Variants in GSN observed in about 807,000 individuals in gnomAD.
GSN encodes actin-depolymerizing factor.
GSN carries 56 observed loss-of-function variants against 85.7 expected under a neutral mutation model. The ratio of observed to expected loss-of-function variants is 0.65; its 90% confidence interval spans 0.53 to 0.82. The LOEUF is 0.82. Among genes scored for constraint, GSN ranks in the 40% least tolerant of loss-of-function variants. GSN has a pLI of 0.00. For synonymous variants in GSN, 373 were observed against 399.1 expected (o/e 0.93, Z 0.78); for missense variants, 857 against 979.8 (o/e 0.87, Z 1.67).
At position 121,217,675 on chromosome 9, in the gene GSN, T is replaced by G. The variant is rs1055440901; in HGVS notation, c.-528+6808T>G. The stretch of plus-strand genomic sequence containing the variant: ...TAAATACAGTCACATTCTGAGGTAC[T>G]GGGGGTTAGGACTTCAATTCAATTG... On this transcript the variant is annotated intron_variant, in intron 4 of 24. Coordinates refer to the GSN transcript ENST00000373823. Among the ~76,000 whole-genome samples the G allele has an allele frequency of 2.0e-5, 3 of 152,030 alleles. No homozygotes were observed. In the East Asian group the frequency reaches 5.8e-4, roughly 29 times the overall value.
chr9:121,236,084 T>C (rs1157540341), intron 5 of GSN, among the ~76,000 whole-genome samples: 1 of 152,216 alleles, frequency 6.6e-6, no homozygotes, highest in Non-Finnish European at 1.5e-5. Flanking sequence ...GAAGAGGCAA[T>C]GGAAGGAGCT....
At chr9:121,214,283 C>T (rs1457104030) in intron 4 of GSN, among the ~76,000 whole-genome samples, 2 of 150,594 alleles carry the variant, frequency 1.3e-5, no homozygotes, top group African/African-American at 4.9e-5. Flanking sequence ...TTCTCTCCTC[C>T]TCCTTCTTCC....
upstream of GSN, among the ~76,000 whole-genome samples, chr9:121,207,081 G>C (rs1346495052): frequency 6.6e-6 from 1 of 152,160 alleles, no homozygotes; most frequent in Non-Finnish European, 1.5e-5. Flanking sequence ...TTTCTTTATT[G>C]CTTTTTCTGA....
chr9:121,228,564 G>C (rs2054324172), intron 4 of GSN, among the ~76,000 whole-genome samples: 1 of 150,778 alleles, frequency 6.6e-6, no homozygotes, highest in South Asian at 2.1e-4. Context: ...CTCCCAGGTA[G>C]CTGGGACTAC....
upstream of GSN, among the ~76,000 whole-genome samples, chr9:121,267,517 C>T (rs928374606): frequency 2.6e-5 from 4 of 152,208 alleles, no homozygotes; most frequent in South Asian, 2.1e-4. Flanking sequence ...GAAACGGAGA[C>T]TTAGACATGT....
At chr9:121,239,992 C>T in intron 5 of GSN, 1 of 160,182 alleles carries the variant, frequency 6.2e-6, no homozygotes, top group South Asian at 1.8e-4. Context: ...TAACTGCCAG[C>T]ACCTGCTCCT....
intron 2 of GSN, among the ~76,000 whole-genome samples, chr9:121,288,873 CA>C (rs2058405164): frequency 1.3e-5 from 2 of 152,102 alleles, no homozygotes; most frequent in Non-Finnish European, 2.9e-5. Flanking sequence ...AAGCATGACC[CA>C]GGGGTAAGAG....
At chr9:121,271,418 T>C (rs1463064153) in intron 1 of GSN, among the ~76,000 whole-genome samples, 1 of 152,200 alleles carries the variant, frequency 6.6e-6, no homozygotes, top group African/African-American at 2.4e-5. Flanking sequence ...CATTAATTAC[T>C]TTATTGATTC....
At chr9:121,319,776 A>T (rs1589142756) in intron 10 of GSN, among the ~76,000 whole-genome samples, 1 of 152,184 alleles carries the variant, frequency 6.6e-6, no homozygotes, top group East Asian at 1.9e-4. Flanking sequence ...GAGAGCTTAT[A>T]AGGAGCTTGT....
At chr9:121,221,781 G>C (rs889143786) in intron 4 of GSN, among the ~76,000 whole-genome samples, 1 of 152,170 alleles carries the variant, frequency 6.6e-6, no homozygotes, top group African/African-American at 2.4e-5. Flanking sequence ...TAGTCAAAGA[G>C]GCTGAGCTAG....
chr9:121,287,239 CAG>C (rs1261548743), intron 2 of GSN, among the ~76,000 whole-genome samples: 1 of 152,084 alleles, frequency 6.6e-6, no homozygotes, highest in East Asian at 1.9e-4. Flanking sequence ...AGGCTGAGGA[CAG>C]GGGGAGGAGT....
In GSN at chr9:121,297,444, G is replaced by A. The variant is rs114164844; in HGVS notation, c.-9-4519G>A. Among the ~76,000 whole-genome samples the A allele has an allele frequency of 3.6e-3, 546 of 152,100 alleles. 1 individual carries two copies. The highest frequency in any genetic ancestry group is 0.012 in the African/African-American group (514 of 41,468). Reference sequence around the variant, plus strand: ...CCCTCATGCCAACTGCAGTGATCTAGGCACTTCCTCCAGCCTCAGGCAGCC... The same window carrying A: ...CCCTCATGCCAACTGCAGTGATCTAAGCACTTCCTCCAGCCTCAGGCAGCC... On this transcript the variant is annotated intron_variant, in intron 2 of 17. Coordinates refer to ENST00000432226, the MANE Select transcript of GSN (RefSeq NM_198252.3).
intron 1 of GSN, among the ~76,000 whole-genome samples, chr9:121,269,851 G>A (rs1049289419): frequency 2.0e-5 from 3 of 152,156 alleles, no homozygotes; most frequent in East Asian, 1.9e-4. Flanking sequence ...GGTTTGCCCC[G>A]CATGGCATTT....
chr9:121,287,477 G>T (rs1476874764), intron 2 of GSN, among the ~76,000 whole-genome samples: 1 of 152,004 alleles, frequency 6.6e-6, no homozygotes, highest in Non-Finnish European at 1.5e-5. Flanking sequence ...TAGGGGTGGG[G>T]CCTGGGAATC....
chr9:121,286,534 G>A, intron 2 of GSN: 4 of 1,363,098 alleles, frequency 2.9e-6, no homozygotes, highest in Non-Finnish European at 2.9e-6. Context: ...ATCCTCCAAG[G>A]CTCTGCCCCA....
chr9:121,323,439 G>A (rs1470993371), intron 11 of GSN, among the ~76,000 whole-genome samples: 1 of 140,910 alleles, frequency 7.1e-6, no homozygotes, highest in Non-Finnish European at 1.5e-5. Flanking sequence ...GCATGATCTC[G>A]GCTCACTGCA....
At chr9:121,269,173 C>A (rs2055532778) in intron 1 of GSN, among the ~76,000 whole-genome samples, 1 of 152,154 alleles carries the variant, frequency 6.6e-6, no homozygotes, top group Non-Finnish European at 1.5e-5. Flanking sequence ...AGGTGCCTTT[C>A]GCTTTTGTTT....
intron 4 of GSN, among the ~76,000 whole-genome samples, chr9:121,218,687 A>G (rs1311874033): frequency 2.0e-5 from 3 of 152,296 alleles, no homozygotes; most frequent in Non-Finnish European, 4.4e-5. Flanking sequence ...TGAAAAAAAG[A>G]CCATTGGTTA....
At chr9:121,255,967 A>G (rs2132259607) in intron 6 of GSN, among the ~76,000 whole-genome samples, 1 of 152,330 alleles carries the variant, frequency 6.6e-6, no homozygotes, top group Middle Eastern at 3.4e-3. Context: ...CATGATTTCC[A>G]GAAAAATCCT....
Sources: gnomAD v4.1 joint callset for allele counts (sites outside exome capture counted in the v4.1 genomes callset) on GRCh38, gnomAD v4.1.1 for gene constraint, MANE v1.5 for transcripts, NCBI Gene and HGNC (gene_info 2026-07-23, HGNC 2026-07-21) for gene names.